Variants in ALK observed in about 807,000 individuals in gnomAD.
ALK encodes the protein ALK tyrosine kinase receptor.
Under a neutral mutation model 163.1 loss-of-function variants are expected in ALK, and 74 were observed. The observed-to-expected ratio is 0.45, with a 90% CI of 0.38 to 0.55. The LOEUF (loss-of-function observed/expected upper bound fraction) is 0.55, where lower values mean the gene tolerates loss of function less well. ALK is among the 20% of genes least tolerant of loss of function. The probability of loss-of-function intolerance (pLI) is 0.00; values close to 1 mark genes in which losing one functional copy is unlikely to be tolerated. For synonymous variants in ALK, 960 were observed against 843.2 expected, an observed-to-expected ratio of 1.14 and a Z score of -2.40; for missense variants, 2,063 against 2,105.3, an observed-to-expected ratio of 0.98 and a Z score of 0.39.
chr2:29,701,801 A>G (rs573799109), intron 2 of ALK, among the ~76,000 whole-genome samples: 2 of 152,296 alleles, frequency 1.3e-5, no homozygotes, highest in East Asian at 1.9e-4. Flanking sequence ...TCTTATCTCC[A>G]TTCAACAGAT....
chr2:29,456,243 A>T (rs553867215), intron 4 of ALK, among the ~76,000 whole-genome samples: 1 of 152,330 alleles, frequency 6.6e-6, no homozygotes, highest in Admixed American at 6.5e-5. Context: ...AATTGAAAGC[A>T]GGGAGTCAAA....
At chr2:29,753,116 GAA>G (rs1187467332) in intron 1 of ALK, among the ~76,000 whole-genome samples, 1 of 152,212 alleles carries the variant, frequency 6.6e-6, no homozygotes, top group Non-Finnish European at 1.5e-5. Flanking sequence ...AGAAGGAGAA[GAA>G]AATAGGTGGG....
At position 29,695,201 on chromosome 2, in the gene ALK, T is replaced by C. The variant is rs377151333; in HGVS notation, c.788-187A>G. On this transcript the variant is annotated intron_variant, in intron 2 of 28. Transcript: ENST00000389048. ...AGGGACCTAAGAGAATAAAATGTGC[T>C]CTTTCTGTAACTCATATTACGGGAG... Among the ~76,000 whole-genome samples, 262 of 152,316 alleles carry C rather than the reference T, an allele frequency of 1.7e-3. 12 individuals carry two copies. The South Asian group carries it at 0.052, about 30-fold the overall frequency.
chr2:29,653,080 C>T (rs2339537), intron 3 of ALK, among the ~76,000 whole-genome samples: 98,417 of 151,872 alleles, frequency 0.65, 32,331 homozygotes, highest in East Asian at 0.74. Flanking sequence ...TGGAGTCTGA[C>T]GCTGTCTCCA....
At chr2:29,558,557 C>G (rs1020271491) in intron 3 of ALK, among the ~76,000 whole-genome samples, 2 of 152,120 alleles carry the variant, frequency 1.3e-5, no homozygotes, top group African/African-American at 2.4e-5. Flanking sequence ...TCCCTACCCT[C>G]TCTGCCCTTC....
In ALK at chr2:29,440,026, G is replaced by A. The variant is rs899842031; in HGVS notation, c.1155-56167C>T. Among the ~76,000 whole-genome samples the A allele has an allele frequency of 2.6e-5, 4 of 152,046 alleles. No individual in the cohort carries two copies. In the South Asian group the frequency reaches 8.3e-4, roughly 32 times the overall value. The stretch of plus-strand genomic sequence containing the variant: ...GCAGGAGGATCACCTGAGATCAGGA[G>A]TTCGAGACCAGCCTGGCCAACATGG... On this transcript the variant is annotated intron_variant, in intron 4 of 28. Coordinates refer to ENST00000389048, the MANE Select transcript of ALK (RefSeq NM_004304.5).
Position 29,496,377 on chromosome 2 carries a change from T to C in ALK, c.1154+35538A>G, listed in dbSNP as rs373878179. On this transcript the variant is annotated intron_variant, in intron 4 of 28. Transcript: ENST00000389048. ...TGGAACTAATACAGACAAACTAGAT[T>C]CACACTTGGTTCAGGGTCACTGCAT... Among the ~76,000 whole-genome samples, 15 of 152,314 alleles carry C rather than the reference T, an allele frequency of 9.8e-5. 1 individual carries two copies. Among genetic ancestry groups the C allele is most frequent in the African/African-American group, 3.6e-4 (15 of 41,572 alleles).
At chr2:29,467,906 TG>T (rs1671251792) in intron 4 of ALK, among the ~76,000 whole-genome samples, 1 of 152,200 alleles carries the variant, frequency 6.6e-6, no homozygotes, top group Non-Finnish European at 1.5e-5. Flanking sequence ...AATATTGTTA[TG>T]TAACATATTT....
At position 29,232,421 on chromosome 2, in the gene ALK, T is replaced by C. The variant is rs1371180882; in HGVS notation, c.2515A>G (p.Ile839Val). The C allele has an allele frequency of 1.9e-6, 3 of 1,614,272 alleles. No homozygotes were observed. The highest frequency in any genetic ancestry group is 2.5e-6 in the Non-Finnish European group (3 of 1,180,048). ...CTGCCACCACCTCCGGCTGCAATGA[T>C]CAGGGGCACCGGCACTCCATCCTTC... is the stretch of plus-strand genomic sequence containing the variant. ...KMKDGVPVPL[I>V]IAAGGGGRAY... Residue 839 changes from isoleucine (I) to valine (V), a missense_variant, in exon 15 of 29, where the codon ATC (isoleucine) becomes GTC (valine). Physicochemically the swap from Ile to Val is conservative, Grantham distance 29 (BLOSUM62 3). Coordinates refer to ENST00000389048, the MANE Select transcript of ALK (RefSeq NM_004304.5).
At chr2:29,341,525 G>A (rs986928737) in intron 5 of ALK, among the ~76,000 whole-genome samples, 2 of 152,338 alleles carry the variant, frequency 1.3e-5, no homozygotes, top group Admixed American at 6.5e-5. Context: ...TAAGGAGGGA[G>A]GATCGCTTTA....
intron 1 of ALK, among the ~76,000 whole-genome samples, chr2:29,800,595 C>T (rs184383815): frequency 2.4e-3 from 361 of 152,230 alleles, no homozygotes; most frequent in Non-Finnish European, 4.2e-3. Flanking sequence ...GATTAGGGTA[C>T]CCAGGAATTT....
intron 4 of ALK, among the ~76,000 whole-genome samples, chr2:29,429,336 A>C (rs2148072952): frequency 6.6e-6 from 1 of 152,162 alleles, no homozygotes; most frequent in South Asian, 2.1e-4. Context: ...TGCAAATGAC[A>C]TAACCTTGTG....
chr2:29,806,572 C>T (rs571506915), intron 1 of ALK, among the ~76,000 whole-genome samples: 31 of 152,280 alleles, frequency 2.0e-4, no homozygotes, highest in African/African-American at 7.5e-4. Context: ...GTTGAGACTA[C>T]CTGCCCATGT....
chr2:29,245,395 C>G (rs1385321909), intron 12 of ALK, among the ~76,000 whole-genome samples: 2 of 109,134 alleles, frequency 1.8e-5, no homozygotes, highest in South Asian at 6.5e-4. Context: ...AGTAGGGGCT[C>G]CATGGCTCAG....
chr2:29,756,727 A>G (rs908023622), intron 1 of ALK, among the ~76,000 whole-genome samples: 6 of 152,066 alleles, frequency 3.9e-5, no homozygotes, highest in Non-Finnish European at 7.4e-5. Context: ...GGGTTTCACC[A>G]TGTTAGCCAG....
chr2:29,306,921 C>A (rs555407094), intron 8 of ALK, among the ~76,000 whole-genome samples: 1 of 152,210 alleles, frequency 6.6e-6, no homozygotes, highest in Admixed American at 6.5e-5. Context: ...TTCCAGCCAG[C>A]GCTTTCACAA....
chr2:29,838,958 GGCAC>G (rs1665633727), intron 1 of ALK, among the ~76,000 whole-genome samples: 1 of 152,160 alleles, frequency 6.6e-6, no homozygotes, highest in South Asian at 2.1e-4. Flanking sequence ...TTATTTAAAA[GGCAC>G]AACCCAACAG....
Position 29,227,747 on chromosome 2 carries a change from G to T in ALK, c.2816-75C>A. 8.1e-7 allele frequency: 1 copy of T among 1,228,228 alleles called. No homozygotes were observed. Among genetic ancestry groups the T allele is most frequent in the Non-Finnish European group, 1.2e-6 (1 of 831,750 alleles). 76.1% of individuals were successfully genotyped at this position (1,228,228 alleles called of 1,614,324 possible). A position where few individuals can be genotyped will look rare whatever the true frequency, so the allele number is the denominator to read the frequency against. Reference sequence around the variant, plus strand: ...TCTTAACACACACACACGTCAGTGGGGCATGCAGCTCTGGCCAAAGTTAGG... The same window carrying T: ...TCTTAACACACACACACGTCAGTGGTGCATGCAGCTCTGGCCAAAGTTAGG... On this transcript the variant is annotated intron_variant, in intron 16 of 28. Transcript: ENST00000389048. The surrounding 1 kb of genome is among the most constrained non-coding windows in gnomAD (Gnocchi z 4.4).
intron 1 of ALK, among the ~76,000 whole-genome samples, chr2:29,818,494 C>A (rs1664957568): frequency 6.6e-6 from 1 of 152,244 alleles, no homozygotes; most frequent in African/African-American, 2.4e-5. Context: ...ATACCCAACA[C>A]GCTGGCTGGG....
Sources: gnomAD v4.1 joint callset for allele counts (sites outside exome capture counted in the v4.1 genomes callset) on GRCh38, gnomAD v4.1.1 for gene constraint, Gnocchi (gnomAD v3.1) non-coding constraint, MANE v1.5 for transcripts, NCBI Gene and HGNC (gene_info 2026-07-23, HGNC 2026-07-21) for gene names.